The following RAD51B variants were observed in gnomAD, a reference collection of about 807,000 sequenced individuals.
RAD51B encodes the protein RAD51 paralog B.
In RAD51B, 38 loss-of-function variants were observed where a neutral mutation model predicts 42.2. The observed-to-expected ratio is 0.90, with a 90% CI of 0.70 to 1.18. The LOEUF (loss-of-function observed/expected upper bound fraction) is 1.18. RAD51B is among the 50% of genes most tolerant of loss of function. The pLI, the probability that RAD51B is intolerant of heterozygous loss-of-function variation, is 0.00. For synonymous variants in RAD51B, 154 were observed against 145.2 expected (o/e 1.06, Z -0.43); for missense variants, 373 against 400.7 (o/e 0.93, Z 0.59).
intron 7 of RAD51B, among the ~76,000 whole-genome samples, chr14:68,187,292 C>T (rs186224189): frequency 5.3e-5 from 8 of 152,058 alleles, no homozygotes; most frequent in South Asian, 2.1e-4. Flanking sequence ...TCATTCATAC[C>T]GCAAACCTCA....
At chr14:68,307,096 A>G (rs1454511328) in intron 8 of RAD51B, among the ~76,000 whole-genome samples, 3 of 150,382 alleles carry the variant, frequency 2.0e-5, no homozygotes, top group Admixed American at 2.0e-4. Flanking sequence ...TTGTCTTGGG[A>G]GGCGGCTGGA....
At chr14:68,516,890 G>A (rs1448389601) in intron 10 of RAD51B, among the ~76,000 whole-genome samples, 1 of 152,186 alleles carries the variant, frequency 6.6e-6, no homozygotes, top group African/African-American at 2.4e-5. Flanking sequence ...AAGGTGTTAA[G>A]TTCACTATGG....
chr14:68,624,358 A>G (rs1308112725), intron 10 of RAD51B, among the ~76,000 whole-genome samples: 1 of 152,170 alleles, frequency 6.6e-6, no homozygotes, highest in East Asian at 1.9e-4. Flanking sequence ...ATCTGCCCAT[A>G]TGCCCAGTCT....
chr14:68,528,182 G>A (rs1038993279), intron 10 of RAD51B, among the ~76,000 whole-genome samples: 7 of 152,072 alleles, frequency 4.6e-5, no homozygotes, highest in African/African-American at 7.2e-5. Context: ...TCCCTGCATG[G>A]TTTCTAGCCC....
rs71129889 is a variant in RAD51B, at chr14:68,456,869, A to ATTTTTTTTTTTTTTTTTTTTTTTTT, written c.958-11275_958-11251dup. 7.5e-5 allele frequency among the ~76,000 whole-genome samples: 5 copies of ATTTTTTTTTTTTTTTTTTTTTTTTT among 66,364 alleles called. 2 individuals carry two copies. Among genetic ancestry groups the ATTTTTTTTTTTTTTTTTTTTTTTTT allele is most frequent in the Non-Finnish European group, 1.5e-4 (5 of 32,920 alleles). 43.5% of individuals were successfully genotyped at this position (66,364 alleles called of 152,430 possible). A position where few individuals can be genotyped will look rare whatever the true frequency, so the allele number is the denominator to read the frequency against. ...AAACTTCTCCAATCACAATGGAATG[A>ATTTTTTTTTTTTTTTTTTTTTTTTT]TTTTTTTTTTTTTTTTTTTTTTTTT... On this transcript the variant is annotated intron_variant, in intron 9 of 10. Transcript: ENST00000471583.
chr14:68,442,317 G>A (rs910585537), intron 9 of RAD51B, among the ~76,000 whole-genome samples: 45 of 151,828 alleles, frequency 3.0e-4, no homozygotes, highest in African/African-American at 1.1e-3. Context: ...TAGTCTCTAA[G>A]GAATCTTTGT....
chr14:68,548,416 G>T (rs1042007201), intron 10 of RAD51B, among the ~76,000 whole-genome samples: 1 of 152,222 alleles, frequency 6.6e-6, no homozygotes, highest in South Asian at 2.1e-4. Context: ...GGCTGCAGAT[G>T]CTGTAAATAT....
chr14:68,354,591 A>G (rs2082859892), intron 8 of RAD51B, among the ~76,000 whole-genome samples: 2 of 152,104 alleles, frequency 1.3e-5, no homozygotes, highest in Admixed American at 6.5e-5. Context: ...AGAATTGGCC[A>G]GGTGTGGTGG....
At chr14:68,622,903 C>T (rs1331068999) in intron 10 of RAD51B, among the ~76,000 whole-genome samples, 1 of 152,082 alleles carries the variant, frequency 6.6e-6, no homozygotes, top group Non-Finnish European at 1.5e-5. Flanking sequence ...CTGACACCCT[C>T]AGACTGCACC....
At chr14:68,523,091 T>A (rs1023529) in intron 10 of RAD51B, among the ~76,000 whole-genome samples, 2 of 152,020 alleles carry the variant, frequency 1.3e-5, no homozygotes, top group African/African-American at 2.4e-5. Flanking sequence ...GTGTACATAT[T>A]TGAGGAATTT....
chr14:68,150,894 TA>T (rs1239051408), intron 7 of RAD51B, among the ~76,000 whole-genome samples: 2 of 152,190 alleles, frequency 1.3e-5, no homozygotes, highest in African/African-American at 4.8e-5. Flanking sequence ...TACACATAAA[TA>T]TACTTTAGTT....
At chr14:68,595,276 C>A in exon 11 of RAD51B, 2 of 1,064,100 alleles carry the variant, frequency 1.9e-6, no homozygotes, top group Non-Finnish European at 2.3e-6. Flanking sequence ...TACAGGTTTA[C>A]CTTGCTAAAG....
rs563248554 is a variant in RAD51B, at chr14:68,303,287, C to T, written c.853+11307C>T. Among the ~76,000 whole-genome samples, 85 of 152,078 alleles carry T rather than the reference C, an allele frequency of 5.6e-4. No homozygotes were observed. The South Asian group carries it at 8.1e-3, about 14-fold the overall frequency. On this transcript the variant is annotated intron_variant, in intron 8 of 10. Coordinates refer to ENST00000471583, the MANE Select transcript of RAD51B (RefSeq NM_133510.4). The stretch of plus-strand genomic sequence containing the variant: ...GCTGAACAATGAGAACACATGGACA[C>T]GGGGAGAGAAACATCACACACCAGG...
chr14:67,932,193 T>C (rs1349751793), intron 7 of RAD51B, among the ~76,000 whole-genome samples: 2 of 152,226 alleles, frequency 1.3e-5, no homozygotes, highest in Non-Finnish European at 2.9e-5. Flanking sequence ...GTGTACCCAA[T>C]GTTTAGCTCC....
intron 8 of RAD51B, among the ~76,000 whole-genome samples, chr14:68,295,855 T>C (rs1407468221): frequency 6.6e-6 from 1 of 152,120 alleles, no homozygotes; most frequent in East Asian, 1.9e-4. Flanking sequence ...CTGAAATCTA[T>C]TACAGGACAG....
At chr14:67,935,680 T>G (rs1403997510) in intron 7 of RAD51B, among the ~76,000 whole-genome samples, 1 of 152,186 alleles carries the variant, frequency 6.6e-6, no homozygotes, top group East Asian at 1.9e-4. Flanking sequence ...TCTTTTAAAT[T>G]TTAAAGTGGA....
intron 10 of RAD51B, among the ~76,000 whole-genome samples, chr14:68,624,034 A>G (rs1195323069): frequency 6.6e-6 from 1 of 152,142 alleles, no homozygotes; most frequent in African/African-American, 2.4e-5. Flanking sequence ...GGGGCCTCTG[A>G]AAGACGAGGG....
At chr14:68,088,018 T>A (rs967925066) in intron 7 of RAD51B, among the ~76,000 whole-genome samples, 27 of 133,586 alleles carry the variant, frequency 2.0e-4, no homozygotes, top group East Asian at 1.8e-3. Flanking sequence ...TATAATATAT[T>A]ATTATATATA....
intron 3 of RAD51B, among the ~76,000 whole-genome samples, chr14:67,831,961 C>T (rs1296360607): frequency 6.6e-6 from 1 of 152,038 alleles, no homozygotes; most frequent in African/African-American, 2.4e-5. Context: ...GAAAGTATCC[C>T]CACATGCATC....
Sources: allele counts gnomAD v4.1 joint callset (sites outside exome capture counted in the v4.1 genomes callset), GRCh38; gene constraint gnomAD v4.1.1; transcripts MANE v1.5; gene names NCBI Gene and HGNC (gene_info 2026-07-23, HGNC 2026-07-21).